The following RCOR1 variants were observed in gnomAD, a reference collection of about 807,000 sequenced individuals.
The protein encoded by RCOR1 is REST corepressor 1.
In RCOR1, 12 loss-of-function variants were observed where a neutral mutation model predicts 64.0. The ratio of observed to expected loss-of-function variants is 0.19; its 90% confidence interval spans 0.12 to 0.30. RCOR1 has a LOEUF of 0.30. Among genes scored for constraint, RCOR1 ranks in the 10% least tolerant of loss-of-function variants. The pLI is 1.00. For synonymous variants in RCOR1, 279 were observed against 227.2 expected (o/e 1.23, Z -2.05); for missense variants, 502 against 621.2 (o/e 0.81, Z 2.04).
chr14:102,656,340 T>C (rs538296264), intron 2 of RCOR1, among the ~76,000 whole-genome samples: 227 of 152,244 alleles, frequency 1.5e-3, no homozygotes, highest in East Asian at 3.1e-3. Flanking sequence ...GGTTTCACCA[T>C]GTAGGCCAGG....
chr14:102,661,098 G>C (rs1474629968), intron 2 of RCOR1, among the ~76,000 whole-genome samples: 1 of 152,172 alleles, frequency 6.6e-6, no homozygotes, highest in Non-Finnish European at 1.5e-5. Context: ...TGTAATCCCA[G>C]CACTGTGGGA....
intron 3 of RCOR1, among the ~76,000 whole-genome samples, chr14:102,686,373 C>G (rs1379568729): frequency 6.6e-6 from 1 of 152,188 alleles, no homozygotes; most frequent in African/African-American, 2.4e-5. Flanking sequence ...ACACCCTCCC[C>G]CAGTGTGAAC....
At position 102,688,565 on chromosome 14, in the gene RCOR1, C is replaced by G. The variant is rs80226503; in HGVS notation, c.445+6587C>G. 7.2e-5 allele frequency among the ~76,000 whole-genome samples: 11 copies of G among 152,208 alleles called. No homozygotes were observed. In the East Asian group the frequency reaches 2.1e-3, roughly 29 times the overall value. On this transcript the variant is annotated intron_variant, in intron 3 of 11. Transcript: ENST00000262241. ...AGAGAAGTTGATTGCCTAACCGGGT[C>G]AGTGCTGTTAAAAGGCGGCATGATG...
chr14:102,681,854 G>A (rs2139960987), intron 2 of RCOR1, 41 bp from the exon 3 acceptor site: 1 of 1,434,212 alleles, frequency 7.0e-7, no homozygotes, highest in Non-Finnish European at 9.7e-7. Context: ...TATTATATGT[G>A]TTAAATTTTA....
intron 3 of RCOR1, among the ~76,000 whole-genome samples, chr14:102,692,829 A>G (rs1347175952): frequency 2.8e-5 from 4 of 144,268 alleles, no homozygotes; most frequent in Admixed American, 7.2e-5. Context: ...GCATTGGCAC[A>G]GTCTCAGCCC....
chr14:102,606,866 CTTGG>C (rs1449300210), intron 2 of RCOR1, among the ~76,000 whole-genome samples: 1 of 149,618 alleles, frequency 6.7e-6, no homozygotes, highest in Non-Finnish European at 1.5e-5. Context: ...AGAATATGTG[CTTGG>C]TTTGGGTCTT....
chr14:102,698,588 A>C (rs1045052151), intron 3 of RCOR1, among the ~76,000 whole-genome samples: 1 of 152,234 alleles, frequency 6.6e-6, no homozygotes, highest in African/African-American at 2.4e-5. Context: ...TTAAACAAGC[A>C]GACCTTCTCC....
intron 2 of RCOR1, chr14:102,643,291 A>G: frequency 1.0e-6 from 1 of 967,388 alleles, no homozygotes; most frequent in Non-Finnish European, 1.2e-6. Flanking sequence ...CTCAAAAAAA[A>G]GAGGAATGGA....
chr14:102,651,608 A>G (rs888500776), intron 2 of RCOR1, among the ~76,000 whole-genome samples: 1 of 152,160 alleles, frequency 6.6e-6, no homozygotes, highest in East Asian at 1.9e-4. Context: ...AGACTAGAGA[A>G]GAAGTGAACT....
intron 7 of RCOR1, among the ~76,000 whole-genome samples, chr14:102,711,539 A>G (rs1413332040): frequency 1.3e-5 from 2 of 152,188 alleles, no homozygotes; most frequent in African/African-American, 2.4e-5. Context: ...TTAAAAAATC[A>G]TTATACAAGA....
intron 2 of RCOR1, among the ~76,000 whole-genome samples, chr14:102,619,318 C>T (rs1164086828): frequency 6.6e-6 from 1 of 152,098 alleles, no homozygotes; most frequent in Non-Finnish European, 1.5e-5. Context: ...TGGGGTTTCA[C>T]CATGTTGGTT....
chr14:102,609,110 A>ATC (rs1265680279), intron 2 of RCOR1, among the ~76,000 whole-genome samples: 1 of 134,014 alleles, frequency 7.5e-6, no homozygotes, highest in African/African-American at 2.9e-5. Flanking sequence ...CAGTGGTATG[A>ATC]TCTCAGCTCA....
chr14:102,640,816 T>C (rs2139920786), intron 2 of RCOR1, among the ~76,000 whole-genome samples: 1 of 152,242 alleles, frequency 6.6e-6, no homozygotes, highest in South Asian at 2.1e-4. Flanking sequence ...AAAAATTAGC[T>C]GGCTGTCGTA....
In RCOR1 at chr14:102,628,386, G is replaced by T. The variant is rs187861760; in HGVS notation, c.361+35061G>T. 2.6e-5 allele frequency among the ~76,000 whole-genome samples: 4 copies of T among 152,176 alleles called. No individual in the cohort carries two copies. In the East Asian group the frequency reaches 7.7e-4, roughly 29 times the overall value. Reference sequence around the variant, plus strand: ...GAACCTTTTCTTCACTTGACATTTAGAACAGGATGCCAATATAGTCCCTAT... The same window carrying T: ...GAACCTTTTCTTCACTTGACATTTATAACAGGATGCCAATATAGTCCCTAT... On this transcript the variant is annotated intron_variant, in intron 2 of 11. Coordinates refer to ENST00000262241, the MANE Select transcript of RCOR1 (RefSeq NM_015156.4).
At chr14:102,701,052 G>A (rs1895747325) in intron 3 of RCOR1, among the ~76,000 whole-genome samples, 1 of 152,168 alleles carries the variant, frequency 6.6e-6, no homozygotes, top group Admixed American at 6.5e-5. Context: ...TTACTAACAG[G>A]AGAATAGCAC....
In RCOR1 at chr14:102,598,593, G is replaced by A. The variant is rs576926140; in HGVS notation, c.361+5268G>A. ...CTCCCGAGTAGCTGGGACTACAGGC[G>A]CCTGCCACCACGCCCGGCTAATTTT... On this transcript the variant is annotated intron_variant, in intron 2 of 11. Coordinates refer to ENST00000262241, the MANE Select transcript of RCOR1 (RefSeq NM_015156.4). Among the ~76,000 whole-genome samples the A allele has an allele frequency of 9.2e-5, 14 of 151,712 alleles. No homozygotes were observed. In the East Asian group the frequency reaches 1.8e-3, roughly 19 times the overall value.
At chr14:102,636,841 C>T (rs1894250090) in intron 2 of RCOR1, among the ~76,000 whole-genome samples, 1 of 151,650 alleles carries the variant, frequency 6.6e-6, no homozygotes, top group South Asian at 2.1e-4. Context: ...CATGGTGGTG[C>T]ACGCCTGTAA....
chr14:102,646,517 T>C (rs1340713145), intron 2 of RCOR1, among the ~76,000 whole-genome samples: 2 of 152,176 alleles, frequency 1.3e-5, no homozygotes, highest in Non-Finnish European at 2.9e-5. Flanking sequence ...GAAAGAGCTC[T>C]TGGAAAATAG....
chr14:102,706,667 A>G (rs937847609), intron 4 of RCOR1, among the ~76,000 whole-genome samples: 11 of 152,128 alleles, frequency 7.2e-5, no homozygotes, highest in Admixed American at 3.9e-4. Context: ...CTCTACAGAA[A>G]GTACAAGAAA....
Sources: gnomAD v4.1 joint callset for allele counts (sites outside exome capture counted in the v4.1 genomes callset) on GRCh38, gnomAD v4.1.1 for gene constraint, MANE v1.5 for transcripts, NCBI Gene and HGNC (gene_info 2026-07-23, HGNC 2026-07-21) for gene names.